Variants in CBFA2T2 observed in about 807,000 individuals in gnomAD.
The protein encoded by CBFA2T2 is CBFA2/RUNX1 partner transcriptional co-repressor 2, also known as protein CBFA2T2.
Under a neutral mutation model 62.2 loss-of-function variants are expected in CBFA2T2, and 11 were observed. The observed-to-expected ratio is 0.18, with a 90% CI of 0.11 to 0.29. CBFA2T2 has a LOEUF of 0.29. CBFA2T2 is among the 10% of genes least tolerant of loss of function. The pLI is 1.00. For synonymous variants in CBFA2T2, 295 were observed against 287.5 expected (o/e 1.03, Z -0.27); for missense variants, 592 against 774.1 (o/e 0.76, Z 2.79).
intron 1 of CBFA2T2, among the ~76,000 whole-genome samples, chr20:33,569,645 C>G (rs1329604131): frequency 1.3e-5 from 2 of 152,082 alleles, no homozygotes; most frequent in Non-Finnish European, 2.9e-5. Flanking sequence ...AGTCAATAGC[C>G]CAGGAAATCA....
chr20:33,508,485 A>C (rs943619281), intron 1 of CBFA2T2, among the ~76,000 whole-genome samples: 10 of 151,772 alleles, frequency 6.6e-5, no homozygotes, highest in Non-Finnish European at 5.9e-5. Flanking sequence ...TACATAGGTA[A>C]ACTTGTGTCA....
chr20:33,536,325 C>A (rs1358097063), intron 1 of CBFA2T2, among the ~76,000 whole-genome samples: 1 of 141,372 alleles, frequency 7.1e-6, no homozygotes, highest in Non-Finnish European at 1.6e-5. Context: ...CCCTCCCAGA[C>A]GGGGCGGCTG....
At chr20:33,582,521 A>G (rs2014165442) in intron 1 of CBFA2T2, among the ~76,000 whole-genome samples, 1 of 146,190 alleles carries the variant, frequency 6.8e-6, no homozygotes. Flanking sequence ...AACTTCTTGC[A>G]TTAGGAATGA....
intron 1 of CBFA2T2, among the ~76,000 whole-genome samples, chr20:33,501,138 T>C (rs2011272495): frequency 1.3e-5 from 2 of 152,186 alleles, no homozygotes; most frequent in South Asian, 4.1e-4. Context: ...TATCCTTCTG[T>C]CTGAATTTAT....
At chr20:33,579,254 G>A (rs1043820591) in intron 1 of CBFA2T2, among the ~76,000 whole-genome samples, 9 of 151,374 alleles carry the variant, frequency 5.9e-5, no homozygotes, top group Admixed American at 1.3e-4. Context: ...AAAATTTAGC[G>A]ATGGGGTCTC....
intron 8 of CBFA2T2, among the ~76,000 whole-genome samples, chr20:33,636,082 C>G (rs1468943300): frequency 2.6e-5 from 4 of 151,758 alleles, no homozygotes; most frequent in Non-Finnish European, 4.4e-5. Context: ...GGTGAAACCC[C>G]ATCTCTACTA....
intron 1 of CBFA2T2, among the ~76,000 whole-genome samples, chr20:33,536,843 A>G (rs1452666281): frequency 7.0e-6 from 1 of 142,124 alleles, no homozygotes; most frequent in African/African-American, 2.7e-5. Flanking sequence ...CACTTCCTAG[A>G]TGGGATGGCG....
intron 1 of CBFA2T2, among the ~76,000 whole-genome samples, chr20:33,536,847 G>A (rs898050184): frequency 5.4e-5 from 8 of 148,560 alleles, no homozygotes; most frequent in Admixed American, 1.3e-4. Flanking sequence ...TCCTAGATGG[G>A]ATGGCGGCTG....
intron 1 of CBFA2T2, among the ~76,000 whole-genome samples, chr20:33,497,117 T>C (rs1351615988): frequency 2.6e-5 from 4 of 151,806 alleles, no homozygotes; most frequent in Admixed American, 2.6e-4. Context: ...CTACTAAAAA[T>C]ACAAAATTAG....
chr20:33,497,489 C>T (rs138276844), intron 1 of CBFA2T2, among the ~76,000 whole-genome samples: 2 of 150,834 alleles, frequency 1.3e-5, no homozygotes, highest in African/African-American at 4.9e-5. Flanking sequence ...TTGAATTAAC[C>T]TTACTGGAGT....
Position 33,645,978 on chromosome 20 carries a change from CCT to C in CBFA2T2, c.*1333_*1334del, listed in dbSNP as rs1434666443. ...TTAGGAACTGCCTCCCACATTCTTC[CCT>C]GTCTTTTTGGGTTTTGTTTTTTGTT... is the stretch of plus-strand genomic sequence containing the variant. On this transcript the variant is annotated 3_prime_UTR_variant, in exon 11 of 11. Coordinates refer to ENST00000342704, the MANE Select transcript of CBFA2T2 (RefSeq NM_001032999.3). 1.3e-5 allele frequency: 2 copies of C among 152,070 alleles called. No individual in the cohort carries two copies. Among genetic ancestry groups the C allele is most frequent in the African/African-American group, 4.8e-5 (2 of 41,410 alleles). 9.4% of individuals were successfully genotyped at this position (152,070 alleles called of 1,614,324 possible).
chr20:33,573,408 TGATG>T (rs1173981405), intron 1 of CBFA2T2, among the ~76,000 whole-genome samples: 3 of 152,110 alleles, frequency 2.0e-5, no homozygotes, highest in Non-Finnish European at 2.9e-5. Context: ...TGCAAAGAGA[TGATG>T]GATGTAAGTG....
At chr20:33,545,010 T>TAGAACAGAACAGAACAGAACAGAAC (rs199760817) in intron 1 of CBFA2T2, among the ~76,000 whole-genome samples, 69 of 114,012 alleles carry the variant, frequency 6.1e-4, no homozygotes, top group East Asian at 3.7e-3. Context: ...TAGAATAGAA[T>TAGAACAGAACAGAACAGAACAGAAC]AGAACAGAAC....
intron 1 of CBFA2T2, among the ~76,000 whole-genome samples, chr20:33,585,010 G>A (rs537570738): frequency 2.7e-4 from 41 of 152,218 alleles, no homozygotes; most frequent in South Asian, 1.7e-3. Context: ...AAGGGCTGGG[G>A]TTTAGGGCTT....
rs1409055388 is a variant in CBFA2T2 at position 33,556,591 on chromosome 20, T to C, written c.35-50365T>C. ...TCTCAGCATCTAGTGGTGATTTTCT[T>C]TTTTCTAATTTTTAATTTTTTTTTG... On this transcript the variant is annotated intron_variant, in intron 1 of 10. Transcript: ENST00000342704. Among the ~76,000 whole-genome samples, 3 of 152,128 alleles carry C rather than the reference T, an allele frequency of 2.0e-5. No individual in the cohort carries two copies. In the East Asian group the frequency reaches 5.8e-4, roughly 29 times the overall value.
rs556186240 is a variant in CBFA2T2, at chr20:33,508,625, A to G, written c.34+18324A>G. 5.9e-5 allele frequency among the ~76,000 whole-genome samples: 9 copies of G among 151,820 alleles called. No individual in the cohort carries two copies. The South Asian group carries it at 1.0e-3, about 18-fold the overall frequency. On this transcript the variant is annotated intron_variant, in intron 1 of 10. Transcript: ENST00000342704. ...CCAGTGTGTTTTGTTCCCCTCTTAT[A>G]TGTCTATGTGTTCTCATCATTTAGC...
intron 10 of CBFA2T2, among the ~76,000 whole-genome samples, chr20:33,643,753 CTATATATATATATATATATATATATA>C (rs6147333): frequency 0.063 from 3,567 of 56,626 alleles, 233 homozygotes; most frequent in Non-Finnish European, 0.076. Context: ...CTCATCTCTA[CTATATATATATATATATATATATATA>C]TATATATATA....
intron 1 of CBFA2T2, among the ~76,000 whole-genome samples, chr20:33,565,788 C>T (rs182086443): frequency 1.3e-5 from 2 of 152,224 alleles, no homozygotes; most frequent in Non-Finnish European, 2.9e-5. Context: ...ATGACCCAAG[C>T]ATATTTTCAT....
intron 1 of CBFA2T2, among the ~76,000 whole-genome samples, chr20:33,492,730 G>A (rs1260563241): frequency 3.3e-5 from 5 of 151,862 alleles, no homozygotes; most frequent in South Asian, 2.1e-4. Flanking sequence ...ATGCTAGTCC[G>A]GAAGTCCTGG....
Sources: gnomAD v4.1 joint callset for allele counts (sites outside exome capture counted in the v4.1 genomes callset) on GRCh38, gnomAD v4.1.1 for gene constraint, MANE v1.5 for transcripts, NCBI Gene and HGNC (gene_info 2026-07-23, HGNC 2026-07-21) for gene names.